The following BTBD9 variants were observed in gnomAD, a reference collection of about 807,000 sequenced individuals.
BTBD9 encodes the protein BTB domain containing 9.
A neutral mutation model predicts 64.3 loss-of-function variants in BTBD9; 49 were observed. The ratio of observed to expected loss-of-function variants is 0.76; its 90% CI spans 0.61 to 0.97. The LOEUF is 0.97. Among genes scored for constraint, BTBD9 ranks in the 50% least tolerant of loss-of-function variants. BTBD9 has a pLI of 0.00. For missense variants in BTBD9, 598 were observed against 762.1 expected, an observed-to-expected ratio of 0.78 and a Z score of 2.53; for synonymous variants, 260 against 274.7, an observed-to-expected ratio of 0.95 and a Z score of 0.53.
At chr6:38,587,572 A>G in intron 4 of BTBD9, 1 of 574,380 alleles carries the variant, frequency 1.7e-6, no homozygotes. Context: ...TCAGTGTAGT[A>G]GGACACTGAA....
At position 38,518,650 on chromosome 6, in the gene BTBD9, A is replaced by G. The variant is rs555067681; in HGVS notation, c.1154+58950T>C. Reference sequence around the variant, plus strand: ...TATCATTAAGCCACCAAATTAACCAACCCTGAGCTGACCAATCTCTGTGCT... The same window carrying G: ...TATCATTAAGCCACCAAATTAACCAGCCCTGAGCTGACCAATCTCTGTGCT... On this transcript the variant is annotated intron_variant, in intron 6 of 10. Transcript: ENST00000481247. Among the ~76,000 whole-genome samples, 5 of 152,196 alleles carry G rather than the reference A, an allele frequency of 3.3e-5. No individual in the cohort carries two copies. In the East Asian group the frequency reaches 7.7e-4, roughly 24 times the overall value.
chr6:38,274,029 C>T (rs1582147752), intron 8 of BTBD9, among the ~76,000 whole-genome samples: 1 of 152,282 alleles, frequency 6.6e-6, no homozygotes, highest in East Asian at 1.9e-4. Flanking sequence ...TCCACAATTT[C>T]AGGAAGGAGT....
At chr6:38,309,585 G>GT (rs1412801862) in intron 7 of BTBD9, among the ~76,000 whole-genome samples, 1 of 151,594 alleles carries the variant, frequency 6.6e-6, no homozygotes, top group Non-Finnish European at 1.5e-5. Context: ...GCTAACTTTT[G>GT]TATTTTTAGT....
intron 9 of BTBD9, among the ~76,000 whole-genome samples, chr6:38,226,764 C>A (rs562448623): frequency 6.6e-6 from 1 of 152,258 alleles, no homozygotes; most frequent in South Asian, 2.1e-4. Context: ...CATGCACACA[C>A]ACACACGCAC....
intron 9 of BTBD9, among the ~76,000 whole-genome samples, chr6:38,255,943 T>C (rs1033045921): frequency 1.3e-5 from 2 of 151,886 alleles, no homozygotes; most frequent in Non-Finnish European, 2.9e-5. Context: ...AGGAGAGGGA[T>C]AGCATTAAGA....
At chr6:38,386,329 A>G (rs974714559) in intron 6 of BTBD9, among the ~76,000 whole-genome samples, 45 of 152,296 alleles carry the variant, frequency 3.0e-4, no homozygotes, top group African/African-American at 1.1e-3. Flanking sequence ...AACAGCATCC[A>G]TGATAAATTA....
chr6:38,355,083 T>A (rs1359483243), intron 6 of BTBD9, among the ~76,000 whole-genome samples: 1 of 152,180 alleles, frequency 6.6e-6, no homozygotes, highest in Non-Finnish European at 1.5e-5. Context: ...GCATGAAGGA[T>A]TACTAATTTC....
At chr6:38,188,081 G>A (rs1460416929) in intron 10 of BTBD9, among the ~76,000 whole-genome samples, 2 of 152,234 alleles carry the variant, frequency 1.3e-5, no homozygotes, top group African/African-American at 2.4e-5. Flanking sequence ...CAGCAGGCAA[G>A]AAATCCCAGT....
intron 6 of BTBD9, among the ~76,000 whole-genome samples, chr6:38,349,842 C>A (rs1764430730): frequency 6.6e-6 from 1 of 152,060 alleles, no homozygotes; most frequent in South Asian, 2.1e-4. Flanking sequence ...GGTCTATGGG[C>A]CATAGAAAGC....
chr6:38,230,625 T>C (rs1582086191), intron 9 of BTBD9, among the ~76,000 whole-genome samples: 1 of 151,928 alleles, frequency 6.6e-6, no homozygotes, highest in Non-Finnish European at 1.5e-5. Context: ...AGGTCATATA[T>C]GATCGGAGAT....
At chr6:38,534,819 T>C in intron 6 of BTBD9, among the ~76,000 whole-genome samples, 1 of 151,958 alleles carries the variant, frequency 6.6e-6, no homozygotes. Context: ...AAAATTCAAC[T>C]CCCTTCATGA....
At chr6:38,377,217 T>C (rs150040465) in intron 6 of BTBD9, among the ~76,000 whole-genome samples, 45 of 152,358 alleles carry the variant, frequency 3.0e-4, no homozygotes, top group African/African-American at 1.1e-3. Flanking sequence ...TACTCCTTTG[T>C]AGAAGCTGAA....
intron 6 of BTBD9, among the ~76,000 whole-genome samples, chr6:38,469,689 T>A (rs1182018115): frequency 5.9e-5 from 9 of 152,192 alleles, no homozygotes; most frequent in Admixed American, 5.9e-4. Flanking sequence ...GAGACTTTGT[T>A]AGAGGACCGT....
Position 38,170,941 on chromosome 6 carries a change from T to G in BTBD9, c.*4044A>C, listed in dbSNP as rs1766730231. 6.6e-6 allele frequency: 1 copy of G among 152,246 alleles called. No individual in the cohort carries two copies. Among genetic ancestry groups the G allele is most frequent in the African/African-American group, 2.4e-5 (1 of 41,466 alleles). 9.4% of individuals were successfully genotyped at this position (152,246 alleles called of 1,614,324 possible). On this transcript the variant is annotated 3_prime_UTR_variant, in exon 11 of 11. Transcript: ENST00000481247. ...CACCACATAGAAGGTAAGATTAAAA[T>G]AATAACACCGACAAGCAAGCACTAA... is the stretch of plus-strand genomic sequence containing the variant.
chr6:38,613,048 T>C (rs1269266591), intron 1 of BTBD9: 1 of 152,170 alleles, frequency 6.6e-6, no homozygotes, highest in Non-Finnish European at 1.5e-5. Context: ...AAGTGTAAAA[T>C]ATAAATTGTA....
At chr6:38,359,679 A>G (rs1764874899) in intron 6 of BTBD9, among the ~76,000 whole-genome samples, 2 of 152,066 alleles carry the variant, frequency 1.3e-5, no homozygotes, top group South Asian at 4.2e-4. Flanking sequence ...AGGCCATTTC[A>G]CTGCTCATTA....
intron 6 of BTBD9, among the ~76,000 whole-genome samples, chr6:38,383,008 A>C (rs1766004808): frequency 6.6e-6 from 1 of 152,194 alleles, no homozygotes; most frequent in Non-Finnish European, 1.5e-5. Flanking sequence ...CTCCAGGGAA[A>C]GAAAAAGAAT....
Position 38,258,782 on chromosome 6 carries a change from C to T in BTBD9, c.1455-2266G>A, listed in dbSNP as rs1354530838. On this transcript the variant is annotated intron_variant, in intron 8 of 10. Coordinates refer to ENST00000481247, the MANE Select transcript of BTBD9 (RefSeq NM_001099272.2). ...GTGGGCACCTGTAATCCCAGCTACT[C>T]GGGAGGCTGAGGCAGGAGAATCGCT... 2.6e-5 allele frequency among the ~76,000 whole-genome samples: 4 copies of T among 152,212 alleles called. 1 individual carries two copies. Among genetic ancestry groups the T allele is most frequent in the East Asian group, 1.9e-4 (1 of 5,176 alleles).
chr6:38,279,358 G>C (rs563776367), intron 8 of BTBD9, among the ~76,000 whole-genome samples: 1 of 152,150 alleles, frequency 6.6e-6, no homozygotes, highest in East Asian at 1.9e-4. Flanking sequence ...GGGCTCCTGG[G>C]AAAAGAGTCT....
Sources: gnomAD v4.1 joint callset for allele counts (sites outside exome capture counted in the v4.1 genomes callset) on GRCh38, gnomAD v4.1.1 for gene constraint, MANE v1.5 for transcripts, NCBI Gene and HGNC (gene_info 2026-07-23, HGNC 2026-07-21) for gene names.